TBXAS1: variants seen among roughly 807,000 people sequenced by gnomAD.
The protein encoded by TBXAS1 is thromboxane A synthase 1.
A neutral mutation model predicts 60.7 loss-of-function variants in TBXAS1; 48 were observed. The ratio of observed to expected loss-of-function variants is 0.79; its 90% CI spans 0.63 to 1.01. The LOEUF (loss-of-function observed/expected upper bound fraction) is 1.01. Ranked by LOEUF, TBXAS1 falls within the 50% of genes least tolerant of loss-of-function variation. The pLI, the probability that TBXAS1 is intolerant of heterozygous loss-of-function variation, is 0.00. For synonymous variants in TBXAS1, 287 were observed against 269.7 expected, an observed-to-expected ratio of 1.06 and a Z score of -0.63; for missense variants, 685 against 686.3, an observed-to-expected ratio of 1.00 and a Z score of 0.02.
At chr7:139,848,342 A>G (rs114217494) in intron 1 of TBXAS1, among the ~76,000 whole-genome samples, 152 of 152,214 alleles carry the variant, frequency 1.0e-3, no homozygotes, top group African/African-American at 3.6e-3. Flanking sequence ...TCAGTTACGT[A>G]GGGGTAGAAA....
intron 9 of TBXAS1, among the ~76,000 whole-genome samples, chr7:140,006,100 C>T (rs115397669): frequency 0.011 from 1,601 of 152,336 alleles, 37 homozygotes; most frequent in African/African-American, 0.036. Flanking sequence ...GGCCGGCCTC[C>T]TGCTGCTCTG....
At chr7:139,813,548 T>A (rs1469169976) in intron 4 of TBXAS1, among the ~76,000 whole-genome samples, 2 of 152,216 alleles carry the variant, frequency 1.3e-5, no homozygotes, top group African/African-American at 4.8e-5. Context: ...CTGCTTCTTT[T>A]GAATGATAAC....
chr7:139,978,025 G>C (rs181010023), intron 9 of TBXAS1, among the ~76,000 whole-genome samples: 1 of 152,100 alleles, frequency 6.6e-6, no homozygotes, highest in Non-Finnish European at 1.5e-5. Context: ...TCACTTGAAC[G>C]ATGTCGGGGG....
intron 9 of TBXAS1, among the ~76,000 whole-genome samples, chr7:140,001,596 G>A (rs1813677869): frequency 6.6e-6 from 1 of 152,036 alleles, no homozygotes; most frequent in Admixed American, 6.5e-5. Flanking sequence ...TCACCATGTT[G>A]CCCAGGTTGG....
intron 1 of TBXAS1, among the ~76,000 whole-genome samples, chr7:139,856,007 G>C (rs975551559): frequency 6.6e-6 from 1 of 152,186 alleles, no homozygotes; most frequent in Non-Finnish European, 1.5e-5. Context: ...GCAAAGCAGA[G>C]AGCCTTTGTT....
At chr7:140,019,979 G>A (rs1298319485) in intron 12 of TBXAS1, 46 bp from the exon 13 acceptor site, 4 of 1,572,594 alleles carry the variant, frequency 2.5e-6, no homozygotes, top group East Asian at 4.5e-5. Flanking sequence ...TGTACAGTGA[G>A]ATGCTACTAT....
At position 139,999,547 on chromosome 7, in the gene TBXAS1, G is replaced by A. The variant is rs1246896309; in HGVS notation, c.1135-7544G>A. On this transcript the variant is annotated intron_variant, in intron 9 of 12. Transcript: ENST00000448866. This position sits in a 1 kb window ranked among gnomAD's most constrained non-coding sequence, Gnocchi z 4.3. ...TCCAAAAAACCAGTTGCAAGGGTGA[G>A]GGGCTTTGCCTCTGGTTTATGGTCA... Among the ~76,000 whole-genome samples the A allele has an allele frequency of 6.6e-6, 1 of 152,174 alleles. No homozygotes were observed. The highest frequency in any genetic ancestry group is 1.5e-5 in the Non-Finnish European group (1 of 68,048).
chr7:139,967,214 C>T (rs867598047), intron 9 of TBXAS1, among the ~76,000 whole-genome samples: 5 of 152,212 alleles, frequency 3.3e-5, no homozygotes, highest in Non-Finnish European at 5.9e-5. Flanking sequence ...ACAGTGGCCA[C>T]CTTCTGCCCT....
chr7:139,779,950 ATCT>A (rs1368198784), intron 1 of TBXAS1, among the ~76,000 whole-genome samples: 1 of 151,990 alleles, frequency 6.6e-6, no homozygotes, highest in Non-Finnish European at 1.5e-5. Context: ...TACCTTCTCC[ATCT>A]TCTCTCTTTA....
chr7:139,929,051 G>A (rs1366297905), intron 4 of TBXAS1, among the ~76,000 whole-genome samples: 1 of 152,212 alleles, frequency 6.6e-6, no homozygotes, highest in East Asian at 1.9e-4. Flanking sequence ...CCACACCCTA[G>A]AGAGATGACA....
intron 4 of TBXAS1, among the ~76,000 whole-genome samples, chr7:139,806,079 C>T (rs1258869348): frequency 4.0e-4 from 60 of 150,962 alleles, no homozygotes; most frequent in Admixed American, 7.3e-4. Context: ...GGACTACAGG[C>T]GCCCGCCACC....
At chr7:139,882,704 T>C (rs918098163) in intron 3 of TBXAS1, among the ~76,000 whole-genome samples, 11 of 152,222 alleles carry the variant, frequency 7.2e-5, no homozygotes, top group African/African-American at 2.7e-4. Flanking sequence ...CTAACATCTC[T>C]GGCCATGAGG....
At chr7:139,827,523 C>G (rs933992619), upstream of TBXAS1, among the ~76,000 whole-genome samples, 59 of 149,086 alleles carry the variant, frequency 4.0e-4, no homozygotes, top group African/African-American at 1.3e-3. Flanking sequence ...CTGTGTACTT[C>G]TTTGTTTGTT....
At chr7:139,830,965 A>G (rs1433653584) in intron 1 of TBXAS1, among the ~76,000 whole-genome samples, 1 of 152,034 alleles carries the variant, frequency 6.6e-6, no homozygotes, top group Non-Finnish European at 1.5e-5. Flanking sequence ...TCAGCAGGGC[A>G]GCTATGTGTT....
intron 5 of TBXAS1, among the ~76,000 whole-genome samples, chr7:139,951,907 G>GAA (rs1334417048): frequency 0.031 from 1,250 of 40,046 alleles, 158 homozygotes; most frequent in African/African-American, 0.079. Flanking sequence ...AGGAAAGAAA[G>GAA]AGAAAGAAAG....
chr7:140,007,263 C>T, intron 10 of TBXAS1, 81 bp downstream of exon 10: 4 of 1,275,862 alleles, frequency 3.1e-6, no homozygotes, highest in East Asian at 2.3e-5. Context: ...CAGGGCCCTC[C>T]TCCATCAGTT....
At chr7:139,778,271 G>T (rs1312977009), upstream of TBXAS1, 1 of 152,076 alleles carries the variant, frequency 6.6e-6, no homozygotes. This position sits in a 1 kb window ranked among gnomAD's most constrained non-coding sequence, Gnocchi z 4.8. Flanking sequence ...GACCCGGCGG[G>T]CGCACGGCTC....
intron 3 of TBXAS1, among the ~76,000 whole-genome samples, chr7:139,903,557 A>C (rs1378047408): frequency 6.6e-6 from 1 of 152,076 alleles, no homozygotes; most frequent in African/African-American, 2.4e-5. Context: ...TTACAGTCCC[A>C]CCAGCAGGGT....
intron 4 of TBXAS1, among the ~76,000 whole-genome samples, chr7:139,790,377 T>G (rs1394588636): frequency 1.3e-5 from 2 of 152,252 alleles, no homozygotes; most frequent in Admixed American, 6.5e-5. Context: ...TCTGGCTAAT[T>G]TTTTAAAATT....
Sources: allele counts gnomAD v4.1 joint callset (sites outside exome capture counted in the v4.1 genomes callset), GRCh38; gene constraint gnomAD v4.1.1; non-coding constraint Gnocchi (gnomAD v3.1); transcripts MANE v1.5; gene names NCBI Gene and HGNC (gene_info 2026-07-23, HGNC 2026-07-21).